UHRF1: variants seen among roughly 807,000 people sequenced by gnomAD.
The protein encoded by UHRF1 is ubiquitin like with PHD and ring finger domains 1.
A neutral mutation model predicts 96.5 loss-of-function variants in UHRF1; 9 were observed. That is an observed-to-expected ratio of 0.09 (90% CI 0.06 to 0.16). The LOEUF is 0.16. Ranked by LOEUF, UHRF1 falls within the 10% of genes least tolerant of loss-of-function variation. UHRF1 has a pLI of 1.00. For missense variants in UHRF1, 626 were observed against 1,131.1 expected (o/e 0.55, Z 6.40); for synonymous variants, 455 against 469.9 (o/e 0.97, Z 0.41).
intron 11 of UHRF1, among the ~76,000 whole-genome samples, chr19:4,949,484 A>C (rs1330652804): frequency 6.6e-6 from 1 of 151,640 alleles, no homozygotes; most frequent in African/African-American, 2.4e-5. Context: ...ACACACACAC[A>C]CACACACACA....
At chr19:4,927,343 T>C (rs2032904029) in intron 2 of UHRF1, among the ~76,000 whole-genome samples, 1 of 122,306 alleles carries the variant, frequency 8.2e-6, no homozygotes, top group African/African-American at 3.2e-5. Context: ...ATCACACCCC[T>C]ACACTCCACC....
In UHRF1 at chr19:4,909,670, C is replaced by T. The variant is rs2032171325; in HGVS notation, c.-11+15C>T. The T allele has an allele frequency of 2.1e-5, 11 of 516,510 alleles. No individual in the cohort carries two copies. In the Admixed American group the frequency reaches 4.3e-4, roughly 20 times the overall value. The allele number at this position is 516,510 out of a possible 1,614,324, so 32.0% of individuals were successfully genotyped here. On this transcript the variant is annotated intron_variant, in intron 1 of 16. Transcript: ENST00000650932. ...CGACCGGAGAGGTGAGCGGGCGGGC[C>T]GGGTCGGGGTGCCAGCCCGGGCCGG...
At chr19:4,957,957 C>T (rs527845091) in intron 16 of UHRF1, among the ~76,000 whole-genome samples, 1 of 152,256 alleles carries the variant, frequency 6.6e-6, no homozygotes, top group East Asian at 1.9e-4. Flanking sequence ...CGGATCTCCC[C>T]AGGCTTCTGA....
intron 15 of UHRF1, among the ~76,000 whole-genome samples, chr19:4,956,294 G>A (rs1191392489): frequency 6.6e-6 from 1 of 152,202 alleles, no homozygotes; most frequent in Non-Finnish European, 1.5e-5. Context: ...TTGAACACCT[G>A]GCTCAAGCGA....
chr19:4,905,116 T>C (rs958682318), upstream of UHRF1, among the ~76,000 whole-genome samples: 14 of 139,238 alleles, frequency 1.0e-4, no homozygotes, highest in Non-Finnish European at 1.2e-4. Context: ...TTCTTTTTTT[T>C]TTTTTTTTTT....
intron 5 of UHRF1, among the ~76,000 whole-genome samples, chr19:4,934,794 G>A (rs997041876): frequency 2.0e-5 from 3 of 152,130 alleles, no homozygotes; most frequent in African/African-American, 4.8e-5. Flanking sequence ...AGTGAGCTGC[G>A]GGTGATGGAG....
rs567401562 is a variant in UHRF1 at position 4,960,513 on chromosome 19, G to A, written c.2236-144G>A. 58 of 1,213,536 alleles carry A rather than the reference G, an allele frequency of 4.8e-5. No homozygotes were observed. The Admixed American group carries it at 6.1e-4, about 13-fold the overall frequency. 75.2% of individuals were successfully genotyped at this position (1,213,536 alleles called of 1,614,324 possible). ...GGGCCCCTAGGGGGGCCAGGCTGGT[G>A]ATGGGCAGCAGGTGGAAAGTGAGAC... On this transcript the variant is annotated intron_variant, in intron 16 of 16. Coordinates refer to ENST00000650932, the MANE Select transcript of UHRF1 (RefSeq NM_001048201.3).
intron 2 of UHRF1, among the ~76,000 whole-genome samples, chr19:4,921,769 AG>A (rs1020048181): frequency 9.9e-5 from 15 of 152,120 alleles, no homozygotes; most frequent in Non-Finnish European, 1.9e-4. Context: ...AAGAAGAAAA[AG>A]AAAATTGATA....
At chr19:4,944,046 A>G in intron 7 of UHRF1, 86 bp from the exon 8 acceptor site, 4 of 1,567,466 alleles carry the variant, frequency 2.6e-6, no homozygotes, top group Non-Finnish European at 2.6e-6. Context: ...GGGGAGAGCC[A>G]TGTCCGTGGT....
intron 7 of UHRF1, among the ~76,000 whole-genome samples, chr19:4,942,158 T>G (rs1182979030): frequency 6.6e-6 from 1 of 152,104 alleles, no homozygotes; most frequent in East Asian, 1.9e-4. Flanking sequence ...TTTTTTTGTT[T>G]GTTTTTTTGA....
intron 2 of UHRF1, among the ~76,000 whole-genome samples, chr19:4,916,833 C>T (rs907670088): frequency 3.3e-5 from 5 of 152,226 alleles, no homozygotes; most frequent in African/African-American, 1.2e-4. Context: ...TTCCTTCCCC[C>T]CAGGTCCCGT....
chr19:4,929,115 C>G (rs955825108), intron 2 of UHRF1, 107 bp from the exon 3 acceptor site: 2 of 1,446,092 alleles, frequency 1.4e-6, no homozygotes, highest in Non-Finnish European at 1.9e-6. Context: ...GCAGATTGCC[C>G]CCCCCCCACA....
At chr19:4,919,032 T>C (rs1035771980) in intron 2 of UHRF1, among the ~76,000 whole-genome samples, 2 of 150,064 alleles carry the variant, frequency 1.3e-5, no homozygotes, top group Non-Finnish European at 1.5e-5. Flanking sequence ...TCATTTTTTT[T>C]TTTTTTTTTT....
rs1313763596 is a variant in UHRF1 at position 4,930,711 on chromosome 19, C to T, written c.409-5C>T. The T allele has an allele frequency of 3.1e-6, 5 of 1,613,164 alleles. No individual in the cohort carries two copies. Among genetic ancestry groups the T allele is most frequent in the Non-Finnish European group, 4.2e-6 (5 of 1,179,638 alleles). On this transcript the variant is annotated splice_polypyrimidine_tract_variant and splice_region_variant and intron_variant, in intron 3 of 16. Coordinates refer to ENST00000650932, the MANE Select transcript of UHRF1 (RefSeq NM_001048201.3). The surrounding 1 kb of genome is among the most constrained non-coding windows in gnomAD (Gnocchi z 4.4). ...GGGATGCCAGACTTCCCTCATTCCTCACAGGTCAATGAGTACGTCGATGCT... is the reference window on the plus strand; with the variant it reads ...GGGATGCCAGACTTCCCTCATTCCTTACAGGTCAATGAGTACGTCGATGCT...
Position 4,941,551 on chromosome 19 carries a change from G to C in UHRF1, c.809G>C (p.Arg270Pro). The change falls in exon 6 of 17, where the codon CGG becomes CCG. Residue 270 changes from arginine (R) to proline (P), a missense_variant. Physicochemically the swap from Arg to Pro is moderately radical, Grantham distance 103 (BLOSUM62 -2). Transcript: ENST00000650932. ...AGGGATGATTCTCTGAACGACTGTCGGATCATCTTCGTGGACGAAGTCTTC... is the reference window on the plus strand; with the variant it reads ...AGGGATGATTCTCTGAACGACTGTCCGATCATCTTCGTGGACGAAGTCTTC... ...VLGDDSLNDCRIIFVDEVFKI... is the reference protein window; with the variant it reads ...VLGDDSLNDCPIIFVDEVFKI... 1.2e-6 allele frequency: 2 copies of C among 1,613,524 alleles called. No homozygotes were observed. Among genetic ancestry groups the C allele is most frequent in the East Asian group, 2.2e-5 (1 of 44,858 alleles).
rs1035055123 is a variant in UHRF1, at chr19:4,909,549, G to A, written c.-117G>A. Reference sequence around the variant, plus strand: ...CAGCGTTTGCCGAGCGGGCGCTCCGGGTCGCACGCAAGTCCGCGCGGGGTC... The same window carrying A: ...CAGCGTTTGCCGAGCGGGCGCTCCGAGTCGCACGCAAGTCCGCGCGGGGTC... On this transcript the variant is annotated 5_prime_UTR_variant, in exon 1 of 17. Transcript: ENST00000650932. The A allele has an allele frequency of 4.5e-6, 3 of 659,566 alleles. No individual in the cohort carries two copies. Among genetic ancestry groups the A allele is most frequent in the Non-Finnish European group, 8.2e-6 (3 of 366,200 alleles). 40.9% of individuals were successfully genotyped at this position (659,566 alleles called of 1,614,324 possible). A position where few individuals can be genotyped will look rare whatever the true frequency, so the allele number is the denominator to read the frequency against.
At chr19:4,906,774 AAAAG>A (rs2032072246), upstream of UHRF1, among the ~76,000 whole-genome samples, 1 of 152,186 alleles carries the variant, frequency 6.6e-6, no homozygotes, top group African/African-American at 2.4e-5. Context: ...GAAAAAAAGA[AAAAG>A]AAAAATGTAT....
At chr19:4,921,561 C>T (rs989017266) in intron 2 of UHRF1, among the ~76,000 whole-genome samples, 3 of 152,184 alleles carry the variant, frequency 2.0e-5, no homozygotes, top group African/African-American at 7.2e-5. Context: ...TTGAGACCAG[C>T]ATGGGCAACA....
At chr19:4,921,350 A>C (rs1248834612) in intron 2 of UHRF1, among the ~76,000 whole-genome samples, 1 of 151,918 alleles carries the variant, frequency 6.6e-6, no homozygotes, top group Non-Finnish European at 1.5e-5. Context: ...GAGGCAGGAG[A>C]ATTGCTTGAA....
Sources: gnomAD v4.1 joint callset for allele counts (sites outside exome capture counted in the v4.1 genomes callset) on GRCh38, gnomAD v4.1.1 for gene constraint, Gnocchi (gnomAD v3.1) non-coding constraint, MANE v1.5 for transcripts, NCBI Gene and HGNC (gene_info 2026-07-23, HGNC 2026-07-21) for gene names.